The following CACNA2D1 variants were observed in gnomAD, a reference collection of about 807,000 sequenced individuals.
CACNA2D1 encodes the protein voltage-dependent calcium channel subunit alpha-2/delta-1.
A neutral mutation model predicts 171.5 loss-of-function variants in CACNA2D1; 53 were observed. The observed-to-expected ratio is 0.31, with a 90% CI of 0.25 to 0.39. CACNA2D1 has a LOEUF of 0.39. Among genes scored for constraint, CACNA2D1 ranks in the 10% least tolerant of loss-of-function variants. The pLI, the probability that CACNA2D1 is intolerant of heterozygous loss-of-function variation, is 1.00. For synonymous variants in CACNA2D1, 442 were observed against 443.1 expected (o/e 1.00, Z 0.03); for missense variants, 903 against 1,299.8 (o/e 0.69, Z 4.69).
chr7:82,415,076 T>G (rs1475957052), intron 1 of CACNA2D1, among the ~76,000 whole-genome samples: 1 of 152,206 alleles, frequency 6.6e-6, no homozygotes, highest in Non-Finnish European at 1.5e-5. Context: ...GAAATCTGTC[T>G]GACAAGAATT....
At chr7:82,203,138 C>T (rs1585088479) in intron 3 of CACNA2D1, among the ~76,000 whole-genome samples, 1 of 152,176 alleles carries the variant, frequency 6.6e-6, no homozygotes, top group East Asian at 1.9e-4. Flanking sequence ...CTGAAGTGCC[C>T]GGCTTGCAGG....
At chr7:82,338,500 A>G (rs1289128719) in intron 2 of CACNA2D1, among the ~76,000 whole-genome samples, 2 of 152,158 alleles carry the variant, frequency 1.3e-5, no homozygotes, top group African/African-American at 4.8e-5. Flanking sequence ...CAGCTAGATC[A>G]TTATTAGCAA....
chr7:82,077,421 C>T (rs1809114674), intron 7 of CACNA2D1, among the ~76,000 whole-genome samples: 1 of 152,128 alleles, frequency 6.6e-6, no homozygotes, highest in African/African-American at 2.4e-5. Flanking sequence ...ATAAAGAGCA[C>T]AAGTAACAAC....
chr7:82,393,174 G>A (rs1034224562), intron 1 of CACNA2D1, among the ~76,000 whole-genome samples: 70 of 150,938 alleles, frequency 4.6e-4, no homozygotes, highest in Non-Finnish European at 8.4e-4. Context: ...AGGCCGGGAG[G>A]GAGGGGCAAT....
chr7:82,111,430 A>G (rs258687), intron 6 of CACNA2D1, among the ~76,000 whole-genome samples: 950 of 64,094 alleles, frequency 0.015, 32 homozygotes, highest in East Asian at 0.026. Flanking sequence ...ATATGTGTGT[A>G]TATATATATA....
intron 1 of CACNA2D1, among the ~76,000 whole-genome samples, chr7:82,399,080 T>C (rs1826058302): frequency 6.6e-6 from 1 of 152,196 alleles, no homozygotes. Flanking sequence ...GGCTGGTTTG[T>C]GATTAGTATG....
At chr7:82,075,379 T>C (rs1808839869) in intron 7 of CACNA2D1, among the ~76,000 whole-genome samples, 1 of 152,148 alleles carries the variant, frequency 6.6e-6, no homozygotes, top group South Asian at 2.1e-4. Context: ...CTCAATAAAG[T>C]AAATGGTACA....
At chr7:82,400,863 AAAAC>A (rs1415466770) in intron 1 of CACNA2D1, among the ~76,000 whole-genome samples, 16 of 152,092 alleles carry the variant, frequency 1.1e-4, no homozygotes, top group Non-Finnish European at 1.9e-4. Flanking sequence ...TTACAAGAAA[AAAAC>A]AAACAACCCC....
At chr7:82,286,608 A>G (rs1486693721) in intron 3 of CACNA2D1, among the ~76,000 whole-genome samples, 2 of 152,146 alleles carry the variant, frequency 1.3e-5, no homozygotes, top group Non-Finnish European at 2.9e-5. Context: ...AAGTTTCCCT[A>G]CTTTCATATT....
At chr7:82,188,546 T>G (rs1208565828) in intron 3 of CACNA2D1, among the ~76,000 whole-genome samples, 1 of 152,004 alleles carries the variant, frequency 6.6e-6, no homozygotes, top group East Asian at 1.9e-4. Context: ...AAAGTTAAGT[T>G]TTATGCTTAT....
intron 12 of CACNA2D1, among the ~76,000 whole-genome samples, chr7:82,027,058 G>C (rs1035320568): frequency 6.6e-6 from 1 of 151,614 alleles, no homozygotes; most frequent in East Asian, 1.9e-4. Flanking sequence ...GGCTGAGAAG[G>C]GTATGCTGGG....
intron 10 of CACNA2D1, among the ~76,000 whole-genome samples, chr7:82,053,571 A>C (rs2131327213): frequency 6.6e-6 from 1 of 152,280 alleles, no homozygotes; most frequent in South Asian, 2.1e-4. Context: ...AGTAACCAAA[A>C]CTAATTAAGC....
intron 3 of CACNA2D1, among the ~76,000 whole-genome samples, chr7:82,310,177 C>A (rs1466109529): frequency 1.3e-5 from 2 of 151,648 alleles, no homozygotes; most frequent in Non-Finnish European, 2.9e-5. Flanking sequence ...TGAAACAGTT[C>A]AAAATTACTT....
intron 3 of CACNA2D1, among the ~76,000 whole-genome samples, chr7:82,180,431 G>A (rs769898007): frequency 3.3e-5 from 5 of 152,150 alleles, no homozygotes; most frequent in Non-Finnish European, 7.3e-5. Context: ...GAGGCATAAG[G>A]TCCACTGTGT....
At chr7:82,225,462 A>T (rs1429680937) in intron 3 of CACNA2D1, among the ~76,000 whole-genome samples, 1 of 152,224 alleles carries the variant, frequency 6.6e-6, no homozygotes, top group Non-Finnish European at 1.5e-5. Flanking sequence ...TCTAGAAAAA[A>T]TATGCAAAAT....
At chr7:82,173,312 G>A (rs953207375) in intron 3 of CACNA2D1, among the ~76,000 whole-genome samples, 1 of 151,990 alleles carries the variant, frequency 6.6e-6, no homozygotes, top group African/African-American at 2.4e-5. Flanking sequence ...TAAATGCCCT[G>A]TATTGCAAGA....
intron 7 of CACNA2D1, among the ~76,000 whole-genome samples, chr7:82,081,776 G>C (rs1185955782): frequency 6.6e-6 from 1 of 152,150 alleles, no homozygotes; most frequent in South Asian, 2.1e-4. Flanking sequence ...CATCTACTGT[G>C]CCTGCTGGTC....
At chr7:82,197,982 G>A (rs771941970) in intron 3 of CACNA2D1, among the ~76,000 whole-genome samples, 3 of 151,568 alleles carry the variant, frequency 2.0e-5, no homozygotes, top group Non-Finnish European at 4.4e-5. Flanking sequence ...AAAAATACTT[G>A]TATTAAATGT....
intron 21 of CACNA2D1, among the ~76,000 whole-genome samples, chr7:81,989,666 A>C: frequency 6.6e-6 from 1 of 152,170 alleles, no homozygotes; most frequent in East Asian, 1.9e-4. Context: ...TCAGCTAGTG[A>C]GCATTTTACT....
Sources: gnomAD v4.1 joint callset for allele counts (sites outside exome capture counted in the v4.1 genomes callset) on GRCh38, gnomAD v4.1.1 for gene constraint, MANE v1.5 for transcripts, NCBI Gene and HGNC (gene_info 2026-07-23, HGNC 2026-07-21) for gene names.